Variants in PHYHIPL observed in about 807,000 individuals in gnomAD.
PHYHIPL encodes the protein phytanoyl-CoA hydroxylase-interacting protein-like.
A neutral mutation model predicts 33.4 loss-of-function variants in PHYHIPL; 9 were observed. That is an observed-to-expected ratio of 0.27 (90% CI 0.16 to 0.47). PHYHIPL has a LOEUF of 0.47. Among genes scored for constraint, PHYHIPL ranks in the 20% least tolerant of loss-of-function variants. The pLI is 0.99. For missense variants in PHYHIPL, 365 were observed against 460.7 expected (o/e 0.79, Z 1.90); for synonymous variants, 153 against 154.1 (o/e 0.99, Z 0.05).
At chr10:59,207,648 T>C (rs185480997) in intron 1 of PHYHIPL, among the ~76,000 whole-genome samples, 1,574 of 152,084 alleles carry the variant, frequency 0.01, 19 homozygotes, top group Non-Finnish European at 0.013. Context: ...TCCCAGCACT[T>C]TGGGAGGCCA....
chr10:59,213,360 T>C (rs1299700358), intron 1 of PHYHIPL, among the ~76,000 whole-genome samples: 1 of 152,192 alleles, frequency 6.6e-6, no homozygotes, highest in African/African-American at 2.4e-5. Flanking sequence ...CCTACCATTT[T>C]TCCTACCTTT....
intron 1 of PHYHIPL, among the ~76,000 whole-genome samples, chr10:59,194,697 AATGTG>A (rs1838863971): frequency 6.6e-6 from 1 of 152,222 alleles, no homozygotes; most frequent in South Asian, 2.1e-4. Flanking sequence ...ATGGCAGTGA[AATGTG>A]ATACCAACTA....
intron 1 of PHYHIPL, 41 bp downstream of exon 1, chr10:59,177,000 C>A: frequency 6.4e-7 from 1 of 1,569,064 alleles, no homozygotes; most frequent in Non-Finnish European, 8.7e-7. Flanking sequence ...ACAGAGTTCG[C>A]GCCGAGGCGC....
chr10:59,209,380 A>C (rs1349640594), intron 1 of PHYHIPL, among the ~76,000 whole-genome samples: 1 of 152,194 alleles, frequency 6.6e-6, no homozygotes. Flanking sequence ...GCAAATGCTG[A>C]GAGATTTTGT....
At chr10:59,234,574 A>C (rs996818424) in intron 2 of PHYHIPL, 74 bp downstream of exon 2, 1 of 1,076,470 alleles carries the variant, frequency 9.3e-7, no homozygotes, top group Non-Finnish European at 1.3e-6. Flanking sequence ...TAAAAGAACG[A>C]ATAATATTCT....
chr10:59,200,526 A>G (rs1048956031), intron 1 of PHYHIPL, among the ~76,000 whole-genome samples: 1 of 151,562 alleles, frequency 6.6e-6, no homozygotes, highest in African/African-American at 2.4e-5. Context: ...CTCTTTTTTG[A>G]TTTTGTCTCT....
intron 1 of PHYHIPL, among the ~76,000 whole-genome samples, chr10:59,225,660 A>G (rs565614747): frequency 2.0e-5 from 3 of 152,332 alleles, no homozygotes; most frequent in African/African-American, 7.2e-5. Flanking sequence ...ATAAACTAAT[A>G]TGAAGTTTCT....
chr10:59,219,191 G>T, intron 1 of PHYHIPL: 1 of 856,100 alleles, frequency 1.2e-6, no homozygotes, highest in Non-Finnish European at 1.4e-6. Flanking sequence ...GGATTGTCCT[G>T]CATATATTCA....
At position 59,176,648 on chromosome 10, in the gene PHYHIPL, C is replaced by T. The variant is rs918834371; in HGVS notation, c.-206C>T. 50 of 535,540 alleles carry T rather than the reference C, an allele frequency of 9.3e-5. No individual in the cohort carries two copies. Among genetic ancestry groups the T allele is most frequent in the Non-Finnish European group, 1.3e-4 (38 of 302,496 alleles). The allele number at this position is 535,540 out of a possible 1,614,324, so 33.2% of individuals were successfully genotyped here. On this transcript the variant is annotated 5_prime_UTR_variant, in exon 1 of 5. Coordinates refer to ENST00000373880, the MANE Select transcript of PHYHIPL (RefSeq NM_032439.4). ...CGGGTCCTGCTCGGTCTCTCAGAGC[C>T]GCACACTCCGCGGAGCTCCTGCCAC...
intron 1 of PHYHIPL, among the ~76,000 whole-genome samples, chr10:59,201,003 A>C (rs1839088829): frequency 6.6e-6 from 1 of 152,174 alleles, no homozygotes; most frequent in Non-Finnish European, 1.5e-5. Flanking sequence ...CTTTTCAAAA[A>C]ACCAGCTCCT....
At chr10:59,234,092 A>G (rs1840158445) in intron 1 of PHYHIPL, among the ~76,000 whole-genome samples, 1 of 151,880 alleles carries the variant, frequency 6.6e-6, no homozygotes, top group Non-Finnish European at 1.5e-5. Flanking sequence ...GAACCTAACC[A>G]TATAAAACTA....
chr10:59,187,376 T>C (rs969800496), intron 1 of PHYHIPL, among the ~76,000 whole-genome samples: 23 of 152,234 alleles, frequency 1.5e-4, no homozygotes, highest in African/African-American at 4.3e-4. Context: ...CAGTATTTTA[T>C]TGAGTATTTT....
upstream of PHYHIPL, among the ~76,000 whole-genome samples, chr10:59,176,420 ACG>A (rs1838250279): frequency 6.6e-6 from 1 of 151,750 alleles, no homozygotes. Flanking sequence ...CGGTCGCCCG[ACG>A]CCTCACGCGC....
chr10:59,240,776 C>T (rs935779369), intron 4 of PHYHIPL, among the ~76,000 whole-genome samples: 3 of 152,040 alleles, frequency 2.0e-5, no homozygotes, highest in Non-Finnish European at 4.4e-5. Flanking sequence ...TAGGTGGCCA[C>T]TGGAGGGCAG....
At chr10:59,181,891 G>C (rs967135619) in intron 1 of PHYHIPL, among the ~76,000 whole-genome samples, 1 of 152,172 alleles carries the variant, frequency 6.6e-6, no homozygotes, top group African/African-American at 2.4e-5. Flanking sequence ...CTGATGTGTT[G>C]TATGTTTAAC....
At chr10:59,211,693 T>A (rs1249836286) in intron 1 of PHYHIPL, among the ~76,000 whole-genome samples, 42 of 84,528 alleles carry the variant, frequency 5.0e-4, no homozygotes, top group Admixed American at 9.0e-4. Context: ...AAAAAAAAGG[T>A]ATTACAAATA....
At chr10:59,219,169 A>G (rs1839694464) in intron 1 of PHYHIPL, 4 of 755,186 alleles carry the variant, frequency 5.3e-6, no homozygotes, top group Admixed American at 6.3e-5. Flanking sequence ...TTGATGCCTC[A>G]TAATCATATT....
intron 1 of PHYHIPL, among the ~76,000 whole-genome samples, chr10:59,203,067 A>G (rs1478992195): frequency 1.3e-5 from 2 of 152,182 alleles, no homozygotes; most frequent in African/African-American, 4.8e-5. Flanking sequence ...ACAAATTTAC[A>G]AGAAAAAAAT....
intron 1 of PHYHIPL, among the ~76,000 whole-genome samples, chr10:59,195,670 T>C (rs73294072): frequency 0.021 from 3,253 of 152,274 alleles, 134 homozygotes; most frequent in African/African-American, 0.074. Flanking sequence ...TTTCTCAAAT[T>C]CTTTCAGCTG....
Sources: allele counts gnomAD v4.1 joint callset (sites outside exome capture counted in the v4.1 genomes callset), GRCh38; gene constraint gnomAD v4.1.1; transcripts MANE v1.5; gene names NCBI Gene and HGNC (gene_info 2026-07-23, HGNC 2026-07-21).